The following TBXT variants were observed in gnomAD, a reference collection of about 807,000 sequenced individuals.
TBXT encodes the protein T brachyury transcription factor.
TBXT carries 19 observed loss-of-function variants against 41.1 expected under a neutral mutation model. That is an observed-to-expected ratio of 0.46 (90% confidence interval 0.32 to 0.68). The LOEUF (loss-of-function observed/expected upper bound fraction) is 0.68, where lower values mean the gene tolerates loss of function less well. TBXT is among the 30% of genes least tolerant of loss of function. TBXT has a pLI of 0.03. For missense variants in TBXT, 536 were observed against 582.0 expected, an observed-to-expected ratio of 0.92 and a Z score of 0.81; for synonymous variants, 213 against 238.9, an observed-to-expected ratio of 0.89 and a Z score of 1.00.
At chr6:166,158,876 G>T (rs139166302) in intron 7 of TBXT, among the ~76,000 whole-genome samples, 1 of 152,168 alleles carries the variant, frequency 6.6e-6, no homozygotes, top group Non-Finnish European at 1.5e-5. Context: ...GTTTCACTGC[G>T]AAAGACTCAT....
chr6:166,167,062 G>C (rs144851045), intron 1 of TBXT, among the ~76,000 whole-genome samples: 406 of 152,352 alleles, frequency 2.7e-3, no homozygotes, highest in African/African-American at 9.2e-3. Flanking sequence ...GGGAGGGAGG[G>C]GAGGAGAGGA....
intron 1 of TBXT, 90 bp from the exon 2 acceptor site, chr6:166,166,946 G>C: frequency 4.4e-6 from 7 of 1,596,330 alleles, no homozygotes; most frequent in African/African-American, 4.0e-5. Context: ...CAGTTATTTC[G>C]GGGCACAGAG....
At chr6:166,160,144 T>A (rs1778909247) in intron 7 of TBXT, among the ~76,000 whole-genome samples, 1 of 152,162 alleles carries the variant, frequency 6.6e-6, no homozygotes, top group Non-Finnish European at 1.5e-5. Context: ...AAAGTGAGGG[T>A]TGACTTCTAG....
Position 166,165,811 on chromosome 6 carries a change from C to G in TBXT, c.501G>C (p.Glu167Asp). The change falls in exon 3 of 8, where the codon GAG (glutamate) becomes GAC (aspartate). Residue 167 changes from glutamate to aspartate, a missense_variant. Physicochemically the swap from Glu to Asp is conservative, Grantham distance 45 (BLOSUM62 2). Transcript: ENST00000366876. Reference sequence around the variant, plus strand: ...CAACTCTCACTATGTGGATTCGAGGCTCATACTTATGCAAGGAGTTCAGCA... The same window carrying G: ...CAACTCTCACTATGTGGATTCGAGGGTCATACTTATGCAAGGAGTTCAGCA... ...QIMLNSLHKY[E>D]PRIHIVRVGG... The G allele has an allele frequency of 6.2e-7, 1 of 1,614,200 alleles. No homozygotes were observed. The highest frequency in any genetic ancestry group is 8.5e-7 in the Non-Finnish European group (1 of 1,180,038).
intron 7 of TBXT, among the ~76,000 whole-genome samples, chr6:166,159,026 G>T (rs571753200): frequency 6.6e-6 from 1 of 152,350 alleles, no homozygotes; most frequent in South Asian, 2.1e-4. Flanking sequence ...CAAAAAATTG[G>T]CTGGGCATGG....
upstream of TBXT, chr6:166,167,922 G>A (rs1259189277): frequency 1.4e-5 from 6 of 421,034 alleles, no homozygotes; most frequent in East Asian, 3.0e-4. Context: ...CGGCGGATTG[G>A]GCCGCGCACG....
intron 5 of TBXT, among the ~76,000 whole-genome samples, chr6:166,163,202 C>T (rs1198807716): frequency 6.6e-6 from 1 of 152,160 alleles, no homozygotes; most frequent in African/African-American, 2.4e-5. Flanking sequence ...GGTGCTTAGA[C>T]AAGGGTGCCC....
chr6:166,161,660 C>T (rs1045632578), intron 6 of TBXT, among the ~76,000 whole-genome samples: 5 of 152,288 alleles, frequency 3.3e-5, no homozygotes, highest in South Asian at 2.1e-4. Context: ...TGGTGGCTCA[C>T]GCCTGTAATC....
intron 4 of TBXT, 65 bp from the exon 5 acceptor site, chr6:166,164,731 TG>T: frequency 6.2e-7 from 1 of 1,610,740 alleles, no homozygotes; most frequent in Admixed American, 1.7e-5. Flanking sequence ...GAAAAGAGTA[TG>T]TGCAGCAATA....
At chr6:166,166,888 C>A in intron 1 of TBXT, 32 bp from the exon 2 acceptor site, 1 of 1,612,652 alleles carries the variant, frequency 6.2e-7, no homozygotes, top group Non-Finnish European at 8.5e-7. Context: ...CAGGAGGACC[C>A]CGACACTGAC....
At chr6:166,158,909 A>T (rs1475043995) in intron 7 of TBXT, among the ~76,000 whole-genome samples, 1 of 152,232 alleles carries the variant, frequency 6.6e-6, no homozygotes, top group African/African-American at 2.4e-5. Flanking sequence ...GCAGTGGGTG[A>T]TGCCTGTAAT....
At chr6:166,163,013 T>C (rs1161380177) in intron 5 of TBXT, among the ~76,000 whole-genome samples, 1 of 152,198 alleles carries the variant, frequency 6.6e-6, no homozygotes, top group Non-Finnish European at 1.5e-5. Context: ...CAATCCTGTG[T>C]GTACCTGAGT....
intron 5 of TBXT, among the ~76,000 whole-genome samples, chr6:166,163,579 C>T (rs1480491482): frequency 2.6e-5 from 4 of 152,178 alleles, no homozygotes; most frequent in African/African-American, 4.8e-5. Flanking sequence ...GATGAGGTTT[C>T]ACCATATTGG....
In TBXT at chr6:166,160,977, A is replaced by G. The variant is rs747273593; in HGVS notation, c.908-11T>C. On this transcript the variant is annotated splice_polypyrimidine_tract_variant and intron_variant, in intron 6 of 7. Transcript: ENST00000366876. ...AGTTGTCAGAATAGGCTAAGGGGGG[A>G]AGGTAACAAAGTGCAATTATAGATG... 1.2e-6 allele frequency: 2 copies of G among 1,613,400 alleles called. No homozygotes were observed. The highest frequency in any genetic ancestry group is 1.7e-6 in the Non-Finnish European group (2 of 1,179,738).
In TBXT at chr6:166,161,901, C is replaced by T. The variant is rs181667459; in HGVS notation, c.907+546G>A. 1.4e-3 allele frequency among the ~76,000 whole-genome samples: 215 copies of T among 151,672 alleles called. 1 individual carries two copies. Among genetic ancestry groups the T allele is most frequent in the South Asian group, 4.9e-3 (23 of 4,732 alleles). On this transcript the variant is annotated intron_variant, in intron 6 of 7. Coordinates refer to ENST00000366876, the MANE Select transcript of TBXT (RefSeq NM_001366285.2). ...TCGTGCGACTGCACTCCAGCCTGGG[C>T]GACAGAGCGAGACTCCGTCTCAAAA...
Position 166,158,591 on chromosome 6 carries a change from G to A in TBXT, c.1038-3C>T. On this transcript the variant is annotated splice_polypyrimidine_tract_variant and splice_region_variant and intron_variant, in intron 7 of 7. Transcript: ENST00000366876. ...CAGACCACAGGCTGGGGTACTGACT[G>A]CAACAGAAAGACACCAGTGAGCAGG... 2 of 1,518,392 alleles carry A rather than the reference G, an allele frequency of 1.3e-6. No homozygotes were observed. Among genetic ancestry groups the A allele is most frequent in the South Asian group, 1.3e-5 (1 of 79,056 alleles). 94.1% of individuals were successfully genotyped at this position (1,518,392 alleles called of 1,614,324 possible).
Position 166,162,549 on chromosome 6 carries a change from G to C in TBXT, c.805C>G (p.Leu269Val), listed in dbSNP as rs751227884. ...CAGCTGTGCGTGGAGGGGAGGGAGA[G>C]GGCACCTCCAAACTGAGGATGAGGA... ...ANPHPQFGGALSLPSTHSCDR... is the reference protein window; with the variant it reads ...ANPHPQFGGAVSLPSTHSCDR... The change falls in exon 6 of 8, where the codon CTC becomes GTC. Residue 269 changes from leucine (L) to valine (V), a missense_variant. By Grantham distance (32) the Leu-to-Val change is conservative. Transcript: ENST00000366876. 6.2e-7 allele frequency: 1 copy of C among 1,614,118 alleles called. No individual in the cohort carries two copies. Among genetic ancestry groups the C allele is most frequent in the Non-Finnish European group, 8.5e-7 (1 of 1,179,974 alleles).
rs1241858451 is a variant in TBXT, at chr6:166,167,421, C to T, written c.171G>A (p.Glu57=). 2.5e-6 allele frequency: 4 copies of T among 1,613,106 alleles called. No homozygotes were observed. Among genetic ancestry groups the T allele is most frequent in the Non-Finnish European group, 3.4e-6 (4 of 1,179,956 alleles). The change falls in exon 1 of 8, where the codon GAG becomes GAA. Residue 57 remains glutamate, a synonymous_variant. Transcript: ENST00000366876. The part of the protein sequence containing the change: ...EESELWLRFK[E]LTNEMIVTKN... ...TGGTCACGATCATCTCATTGGTGAGCTCCTTGAAGCGCAGCCACAGCTCGC... is the reference window on the plus strand; with the variant it reads ...TGGTCACGATCATCTCATTGGTGAGTTCCTTGAAGCGCAGCCACAGCTCGC...
rs1402536015 is a variant in TBXT at position 166,166,589 on chromosome 6, T to C, written c.471+3A>G. 1.2e-6 allele frequency: 2 copies of C among 1,613,686 alleles called. No individual in the cohort carries two copies. The highest frequency in any genetic ancestry group is 2.7e-5 in the African/African-American group (2 of 74,924). On this transcript the variant is annotated splice_donor_region_variant and intron_variant, in intron 2 of 7. Transcript: ENST00000366876. Reference sequence around the variant, plus strand: ...CCAGACCTGGCGGGCTCCTCACACCTACCTGGCCCCCTCCGTTGAGCTTGT... The same window carrying C: ...CCAGACCTGGCGGGCTCCTCACACCCACCTGGCCCCCTCCGTTGAGCTTGT...
Sources: gnomAD v4.1 joint callset for allele counts (sites outside exome capture counted in the v4.1 genomes callset) on GRCh38, gnomAD v4.1.1 for gene constraint, MANE v1.5 for transcripts, NCBI Gene and HGNC (gene_info 2026-07-23, HGNC 2026-07-21) for gene names.